The following ASXL1 variants were observed in gnomAD, a reference collection of about 807,000 sequenced individuals.
The protein encoded by ASXL1 is ASXL transcriptional regulator 1, also known as polycomb group protein ASXL1.
A neutral mutation model predicts 89.1 loss-of-function variants in ASXL1; 65 were observed. The observed-to-expected ratio is 0.73, with a 90% CI of 0.60 to 0.90. ASXL1 has a LOEUF of 0.90. Among genes scored for constraint, ASXL1 ranks in the 40% least tolerant of loss-of-function variants. The pLI is 0.00. For synonymous variants in ASXL1, 739 were observed against 746.9 expected (o/e 0.99, Z 0.17); for missense variants, 1,786 against 1,942.9 (o/e 0.92, Z 1.52).
At chr20:32,393,225 C>T (rs1175734337) in intron 4 of ASXL1, among the ~76,000 whole-genome samples, 1 of 152,144 alleles carries the variant, frequency 6.6e-6, no homozygotes, top group East Asian at 1.9e-4. Context: ...TTGTCGTCAT[C>T]TTGATGAATT....
chr20:32,363,189 C>T (rs2048150248), intron 1 of ASXL1, among the ~76,000 whole-genome samples: 1 of 152,040 alleles, frequency 6.6e-6, no homozygotes, highest in Non-Finnish European at 1.5e-5. Flanking sequence ...TTCTGTTTCC[C>T]CTGTCTTAAA....
intron 4 of ASXL1, among the ~76,000 whole-genome samples, chr20:32,406,904 A>G (rs1378815700): frequency 2.6e-5 from 4 of 152,034 alleles, no homozygotes; most frequent in African/African-American, 7.2e-5. Flanking sequence ...ACTCTTGTCT[A>G]CCTAGCCTCA....
At chr20:32,359,549 C>T in intron 1 of ASXL1, 2 of 649,770 alleles carry the variant, frequency 3.1e-6, no homozygotes, top group Non-Finnish European at 2.8e-6. Context: ...GCTCACGGAC[C>T]CCACTTTGAG....
chr20:32,433,946 C>G (rs2011628907), intron 12 of ASXL1, 29 bp downstream of exon 12: 1 of 1,610,782 alleles, frequency 6.2e-7, no homozygotes, highest in African/African-American at 1.3e-5. Flanking sequence ...CCTGGCTGCC[C>G]TGGAGCCAGG....
chr20:32,377,972 CTG>C (rs112878923), intron 4 of ASXL1, among the ~76,000 whole-genome samples: 50 of 115,348 alleles, frequency 4.3e-4, no homozygotes, highest in East Asian at 1.2e-3. Context: ...AGTTTTGACT[CTG>C]TGTGTGTGTG....
At chr20:32,413,643 G>T (rs368970813) in intron 4 of ASXL1, among the ~76,000 whole-genome samples, 4 of 152,192 alleles carry the variant, frequency 2.6e-5, no homozygotes, top group Admixed American at 2.6e-4. Context: ...CGATTGAGGG[G>T]TTTCCCGGGG....
chr20:32,433,838 C>G lies in ASXL1; in HGVS notation c.1640C>G (p.Ser547Cys), dbSNP rs2123269600. ...EKKPRLEDRQ[S>C]FRNTIESVHT... ...AAGCCCCGGCTTGAAGATCGTCAGT[C>G]CTTTCGTAACACAATTGAAAGTGTT... Residue 547 changes from serine (S) to cysteine (C), a missense_variant, in exon 12 of 13, where the codon TCC becomes TGC. Physicochemically the swap from Ser to Cys is moderately radical, Grantham distance 112. Coordinates refer to ENST00000375687, the MANE Select transcript of ASXL1 (RefSeq NM_015338.6). 6.2e-7 allele frequency: 1 copy of G among 1,614,064 alleles called. No homozygotes were observed. Among genetic ancestry groups the G allele is most frequent in the Non-Finnish European group, 8.5e-7 (1 of 1,180,028 alleles).
chr20:32,423,638 T>C (rs1275362152), intron 4 of ASXL1, among the ~76,000 whole-genome samples: 1 of 152,076 alleles, frequency 6.6e-6, no homozygotes, highest in Non-Finnish European at 1.5e-5. Flanking sequence ...GCAGCCTGCA[T>C]GTCCCGGGTT....
Position 32,358,848 on chromosome 20 carries a change from G to C in ASXL1, c.57+16G>C. ...CGCGCGCCTGGTGAGGCGGACAGCC[G>C]AGGGGGGCTCCGTGGGGCCCGGGGT... On this transcript the variant is annotated intron_variant, in intron 1 of 12. Transcript: ENST00000375687. 1.3e-6 allele frequency: 2 copies of C among 1,504,850 alleles called. No individual in the cohort carries two copies. Among genetic ancestry groups the C allele is most frequent in the Non-Finnish European group, 1.8e-6 (2 of 1,125,792 alleles). The allele number at this position is 1,504,850 out of a possible 1,614,324, so 93.2% of individuals were successfully genotyped here. A position where few individuals can be genotyped will look rare whatever the true frequency, so the allele number is the denominator to read the frequency against.
At position 32,428,356 on chromosome 20, in the gene ASXL1, C is replaced by T. The variant is rs1225679645; in HGVS notation, c.405C>T (p.Ser135=). The T allele has an allele frequency of 6.2e-7, 1 of 1,614,144 alleles. No homozygotes were observed. Among genetic ancestry groups the T allele is most frequent in the Non-Finnish European group, 8.5e-7 (1 of 1,180,014 alleles). Reference sequence around the variant, plus strand: ...TTGATGAAACATCTTCGAACGCATCCTGTTCTACAGAATCTCAGAGTCGAC... The same window carrying T: ...TTGATGAAACATCTTCGAACGCATCTTGTTCTACAGAATCTCAGAGTCGAC... The part of the protein sequence containing the change: ...VSLDETSSNA[S]CSTESQSRPL... Residue 135 remains serine, a synonymous_variant, in exon 6 of 13, where the codon TCC becomes TCT. Transcript: ENST00000375687.
chr20:32,426,718 C>T (rs911079648), intron 4 of ASXL1, among the ~76,000 whole-genome samples: 6 of 151,618 alleles, frequency 4.0e-5, no homozygotes, highest in African/African-American at 1.5e-4. Flanking sequence ...TGCCACCACA[C>T]CTGGCTAATT....
intron 4 of ASXL1, among the ~76,000 whole-genome samples, chr20:32,370,620 TTTAAG>T (rs778707239): frequency 2.0e-5 from 3 of 152,160 alleles, no homozygotes; most frequent in Non-Finnish European, 2.9e-5. Context: ...AACTTTTTCC[TTTAAG>T]TTTTGTTTTC....
In ASXL1 at chr20:32,363,935, G is replaced by A. The variant is rs970518845; in HGVS notation, c.58-2449G>A. 4.6e-5 allele frequency among the ~76,000 whole-genome samples: 7 copies of A among 152,272 alleles called. No individual in the cohort carries two copies. The East Asian group carries it at 1.4e-3, about 29-fold the overall frequency. On this transcript the variant is annotated intron_variant, in intron 1 of 12. Transcript: ENST00000375687. ...GAGAGGCAGAGACCAGATTGTGAGGGTTCCATATGCCAGGCCAGTGAGCAC... is the reference window on the plus strand; with the variant it reads ...GAGAGGCAGAGACCAGATTGTGAGGATTCCATATGCCAGGCCAGTGAGCAC...
At chr20:32,422,043 T>C (rs2049264843) in intron 4 of ASXL1, among the ~76,000 whole-genome samples, 1 of 150,538 alleles carries the variant, frequency 6.6e-6, no homozygotes, top group Non-Finnish European at 1.5e-5. Flanking sequence ...TAATTTTTTT[T>C]TTTTTTTTTG....
chr20:32,372,305 C>T, intron 4 of ASXL1: 1 of 1,219,094 alleles, frequency 8.2e-7, no homozygotes. Context: ...AATATTTGCT[C>T]AGTACCTCAT....
At chr20:32,410,147 A>G (rs548117841) in intron 4 of ASXL1, among the ~76,000 whole-genome samples, 2 of 152,156 alleles carry the variant, frequency 1.3e-5, no homozygotes, top group South Asian at 4.1e-4. Flanking sequence ...TTTCTCTCCT[A>G]TAAATAGTAC....
chr20:32,385,332 A>T (rs191474228), intron 4 of ASXL1, among the ~76,000 whole-genome samples: 32 of 152,348 alleles, frequency 2.1e-4, no homozygotes, highest in African/African-American at 7.7e-4. Flanking sequence ...CTTCAGCTAA[A>T]TGAGTCAGTT....
chr20:32,438,516 G>A lies in ASXL1; in HGVS notation c.*1178G>A, dbSNP rs886056608. 10 of 233,466 alleles carry A rather than the reference G, an allele frequency of 4.3e-5. No homozygotes were observed. Among genetic ancestry groups the A allele is most frequent in the African/African-American group, 1.8e-4 (8 of 45,334 alleles). 14.5% of individuals were successfully genotyped at this position (233,466 alleles called of 1,614,324 possible). A position where few individuals can be genotyped will look rare whatever the true frequency, so the allele number is the denominator to read the frequency against. Reference sequence around the variant, plus strand: ...TTGCCCGATGCCCTGTTGGGTCACCGGCTGGACCTGCTGCAGCCTGCAGAG... The same window carrying A: ...TTGCCCGATGCCCTGTTGGGTCACCAGCTGGACCTGCTGCAGCCTGCAGAG... On this transcript the variant is annotated 3_prime_UTR_variant, in exon 13 of 13. Coordinates refer to ENST00000375687, the MANE Select transcript of ASXL1 (RefSeq NM_015338.6).
intron 4 of ASXL1, among the ~76,000 whole-genome samples, chr20:32,370,685 A>G (rs2048286683): frequency 6.6e-6 from 1 of 152,148 alleles, no homozygotes; most frequent in African/African-American, 2.4e-5. Context: ...CAACTATATA[A>G]CATGAAGCCA....
Sources: allele counts gnomAD v4.1 joint callset (sites outside exome capture counted in the v4.1 genomes callset), GRCh38; gene constraint gnomAD v4.1.1; transcripts MANE v1.5; gene names NCBI Gene and HGNC (gene_info 2026-07-23, HGNC 2026-07-21).